Variants in SLC5A4 observed in about 807,000 individuals in gnomAD.
SLC5A4 encodes the protein probable glucose sensor protein SLC5A4.
A neutral mutation model predicts 70.3 loss-of-function variants in SLC5A4; 55 were observed. That is an observed-to-expected ratio of 0.78 (90% CI 0.63 to 0.98). The LOEUF is 0.98. SLC5A4 is among the 50% of genes least tolerant of loss of function. The pLI is 0.00. For synonymous variants in SLC5A4, 268 were observed against 305.7 expected, an observed-to-expected ratio of 0.88 and a Z score of 1.29; for missense variants, 735 against 839.2, an observed-to-expected ratio of 0.88 and a Z score of 1.53.
chr22:32,349,268 C>T, the SLC5A4 span, among the ~76,000 whole-genome samples: 57 of 152,308 alleles, frequency 3.7e-4, 1 homozygote, highest in South Asian at 5.6e-3. Flanking sequence ...CCACTGCGCC[C>T]GGCCTTCCCA....
rs1927336146 is a variant in SLC5A4 at position 32,254,186 on chromosome 22, T to C, written c.163A>G (p.Ile55Val). 2 of 1,613,872 alleles carry C rather than the reference T, an allele frequency of 1.2e-6. No individual in the cohort carries two copies. Among genetic ancestry groups the C allele is most frequent in the Non-Finnish European group, 1.7e-6 (2 of 1,179,888 alleles). ...CGACCAGCGAGGAAGAAGCCTCCTA[T>C]AGTACCTCGGTTGGTCTTCAGCATC... The part of the protein sequence containing the change: ...WAMLKTNRGT[I>V]GGFFLAGRDM... Residue 55 changes from isoleucine to valine, a missense_variant, in exon 2 of 15, where the codon ATA becomes GTA. Transcript: ENST00000266086.
At chr22:32,286,985 G>GT in the SLC5A4 span, among the ~76,000 whole-genome samples, 3 of 152,176 alleles carry the variant, frequency 2.0e-5, no homozygotes, top group Admixed American at 1.3e-4. Flanking sequence ...TAGACTCAAG[G>GT]TAAGTGCCAT....
chr22:32,338,419 C>T, the SLC5A4 span, among the ~76,000 whole-genome samples: 1 of 152,140 alleles, frequency 6.6e-6, no homozygotes, highest in Non-Finnish European at 1.5e-5. Flanking sequence ...GAGGCCGAGG[C>T]AGGTGGATTG....
the SLC5A4 span, among the ~76,000 whole-genome samples, chr22:32,313,471 T>C: frequency 2.2e-4 from 33 of 152,270 alleles, no homozygotes; most frequent in South Asian, 2.3e-3. Context: ...CACTAAGATA[T>C]GACCATGACC....
rs1411660102 is a variant in SLC5A4 at position 32,239,021 on chromosome 22, T to G, written c.547A>C (p.Ile183Leu). The change falls in exon 6 of 15, where the codon ATC (isoleucine) becomes CTC (leucine). Residue 183 changes from isoleucine to leucine, a missense_variant. Coordinates refer to ENST00000266086, the MANE Select transcript of SLC5A4 (RefSeq NM_014227.3). Reference sequence around the variant, plus strand: ...TAAACAGCAGTCATAGCCAAGAGGATGAAGATTGCCAGGTAAAGGTCCAAT... The same window carrying G: ...TAAACAGCAGTCATAGCCAAGAGGAGGAAGATTGCCAGGTAAAGGTCCAAT... ...LGLDLYLAIF[I>L]LLAMTAVYTT... 2.5e-6 allele frequency: 4 copies of G among 1,613,982 alleles called. No homozygotes were observed. In the South Asian group the frequency reaches 4.4e-5, roughly 18 times the overall value.
At chr22:32,298,680 A>AT in the SLC5A4 span, among the ~76,000 whole-genome samples, 1 of 71,126 alleles carries the variant, frequency 1.4e-5, no homozygotes. Context: ...GTTATGTGTG[A>AT]ATTTGATCCT....
chr22:32,281,837 C>T, the SLC5A4 span, among the ~76,000 whole-genome samples: 2 of 151,522 alleles, frequency 1.3e-5, no homozygotes, highest in African/African-American at 2.4e-5. Context: ...TCCTGCCCTC[C>T]GCTTTCATGT....
chr22:32,239,520 A>T (rs560116836), intron 5 of SLC5A4, among the ~76,000 whole-genome samples: 365 of 5,312 alleles, frequency 0.069, 1 homozygote, highest in Middle Eastern at 0.32. Flanking sequence ...AGTGCATATT[A>T]TATATATATA....
At chr22:32,253,208 C>G (rs1439101694) in intron 2 of SLC5A4, among the ~76,000 whole-genome samples, 1 of 152,214 alleles carries the variant, frequency 6.6e-6, no homozygotes, top group Non-Finnish European at 1.5e-5. Flanking sequence ...TTGCTAAGCA[C>G]CCACTGTATA....
the SLC5A4 span, chr22:32,270,895 G>T: frequency 8.9e-6 from 5 of 562,944 alleles, no homozygotes; most frequent in Non-Finnish European, 6.7e-6. Context: ...ACGTGATCAC[G>T]CTGTGCCTGT....
At chr22:32,303,720 G>A in the SLC5A4 span, among the ~76,000 whole-genome samples, 3 of 152,164 alleles carry the variant, frequency 2.0e-5, no homozygotes, top group African/African-American at 4.8e-5. Flanking sequence ...TGGACATCTT[G>A]GTTTCTTCCA....
At chr22:32,224,507 C>T (rs755638066) in intron 12 of SLC5A4, 25 bp from the exon 13 acceptor site, 1 of 1,554,712 alleles carries the variant, frequency 6.4e-7, no homozygotes, top group Non-Finnish European at 8.9e-7. Flanking sequence ...AGAAGAAAAT[C>T]AGAATGTTTA....
chr22:32,273,100 C>T, the SLC5A4 span: 1 of 486,622 alleles, frequency 2.1e-6, no homozygotes, highest in Non-Finnish European at 4.1e-6. Flanking sequence ...GGCGTCACTG[C>T]CCACTTCTAG....
the SLC5A4 span, among the ~76,000 whole-genome samples, chr22:32,336,891 C>G: frequency 6.6e-6 from 1 of 152,246 alleles, no homozygotes; most frequent in Non-Finnish European, 1.5e-5. Flanking sequence ...CGCGGCATGG[C>G]CTACGGCCAG....
rs766702206 is a variant in SLC5A4 at position 32,239,005 on chromosome 22, G to C, written c.563C>G (p.Thr188Ser). The C allele has an allele frequency of 1.2e-6, 2 of 1,613,404 alleles. No homozygotes were observed. Among genetic ancestry groups the C allele is most frequent in the Admixed American group, 1.7e-5 (1 of 59,998 alleles). Residue 188 changes from threonine to serine, a missense_variant, in exon 6 of 15, where the codon ACT becomes AGT. By Grantham distance (58) the Thr-to-Ser change is moderately conservative (BLOSUM62 1). Transcript: ENST00000266086. Reference protein sequence around the residue: ...YLAIFILLAMTAVYTTTGGLA... With the variant: ...YLAIFILLAMSAVYTTTGGLA... ...CTTACCAGTGGTGGTGTAAACAGCAGTCATAGCCAAGAGGATGAAGATTGC... is the reference window on the plus strand; with the variant it reads ...CTTACCAGTGGTGGTGTAAACAGCACTCATAGCCAAGAGGATGAAGATTGC...
At chr22:32,341,805 C>T in the SLC5A4 span, among the ~76,000 whole-genome samples, 2 of 152,196 alleles carry the variant, frequency 1.3e-5, no homozygotes, top group African/African-American at 2.4e-5. Context: ...ATACACCCAG[C>T]GTGTTTTCAA....
chr22:32,328,233 A>G, the SLC5A4 span, among the ~76,000 whole-genome samples: 1 of 152,116 alleles, frequency 6.6e-6, no homozygotes, highest in South Asian at 2.1e-4. Flanking sequence ...CTCTGATTCT[A>G]CATTGAGGCC....
At chr22:32,354,799 AC>A in the SLC5A4 span, 4 of 150,808 alleles carry the variant, frequency 2.7e-5, no homozygotes, top group African/African-American at 9.8e-5. Context: ...ACGCCACGCC[AC>A]AGGCAGTACG....
the SLC5A4 span, chr22:32,271,612 T>C: frequency 5.2e-5 from 35 of 670,706 alleles, 2 homozygotes; most frequent in South Asian, 3.9e-4. Flanking sequence ...AGGACATTTA[T>C]GGCTACTCAG....
Sources: allele counts gnomAD v4.1 joint callset (sites outside exome capture counted in the v4.1 genomes callset), GRCh38; gene constraint gnomAD v4.1.1; transcripts MANE v1.5; gene names NCBI Gene and HGNC (gene_info 2026-07-23, HGNC 2026-07-21).